Variants in RYR2 observed in about 807,000 individuals in gnomAD.
RYR2 encodes the protein ryanodine receptor 2, also known as cardiac muscle ryanodine receptor-calcium release channel.
A neutral mutation model predicts 601.1 loss-of-function variants in RYR2; 227 were observed. That is an observed-to-expected ratio of 0.38 (90% CI 0.34 to 0.42). The LOEUF (loss-of-function observed/expected upper bound fraction) is 0.42, where lower values mean the gene tolerates loss of function less well. RYR2 is among the 10% of genes least tolerant of loss of function. RYR2 has a pLI of 1.00. For missense variants in RYR2, 4,646 were observed against 6,156.5 expected, an observed-to-expected ratio of 0.75 and a Z score of 8.21; for synonymous variants, 2,223 against 2,175.1, an observed-to-expected ratio of 1.02 and a Z score of -0.61.
chr1:237,233,082 T>C (rs1685166895), intron 1 of RYR2, among the ~76,000 whole-genome samples: 1 of 152,136 alleles, frequency 6.6e-6, no homozygotes, highest in African/African-American at 2.4e-5. Flanking sequence ...AACGATAGGA[T>C]ATAGAAGGAG....
At chr1:237,769,620 G>T (rs556230180) in intron 84 of RYR2, among the ~76,000 whole-genome samples, 1 of 152,012 alleles carries the variant, frequency 6.6e-6, no homozygotes, top group African/African-American at 2.4e-5. Context: ...CTGCGGACTG[G>T]TAAGTCCATC....
At chr1:237,387,430 A>G in intron 9 of RYR2, 50 bp downstream of exon 9, 1 of 1,525,782 alleles carries the variant, frequency 6.6e-7, no homozygotes, top group Non-Finnish European at 9.1e-7. Flanking sequence ...CAAAGTTGAC[A>G]GTCATCTTTG....
intron 1 of RYR2, among the ~76,000 whole-genome samples, chr1:237,172,781 A>T (rs1415718): frequency 0.92 from 139,714 of 152,134 alleles, 64,842 homozygotes; most frequent in Non-Finnish European, 0.99. Context: ...GTGGGGCCCC[A>T]GGGAGGTTCC....
intron 2 of RYR2, among the ~76,000 whole-genome samples, chr1:237,311,193 A>G (rs74584542): frequency 2.0e-5 from 3 of 152,218 alleles, no homozygotes; most frequent in African/African-American, 7.2e-5. Flanking sequence ...TATACTGGTT[A>G]TGTAAACACA....
intron 4 of RYR2, among the ~76,000 whole-genome samples, chr1:237,356,398 A>ATT (rs551874533): frequency 1.1e-3 from 161 of 151,770 alleles, no homozygotes; most frequent in African/African-American, 3.5e-3. Context: ...GAAGAAGACA[A>ATT]TTATATATAT....
intron 17 of RYR2, among the ~76,000 whole-genome samples, chr1:237,474,201 A>G (rs573111237): frequency 1.9e-3 from 263 of 141,260 alleles, no homozygotes; most frequent in East Asian, 6.5e-3. Context: ...GTGTGTATAT[A>G]TGTGTGTGTG....
At chr1:237,183,858 T>C (rs1218095140) in intron 1 of RYR2, among the ~76,000 whole-genome samples, 1 of 152,244 alleles carries the variant, frequency 6.6e-6, no homozygotes, top group East Asian at 1.9e-4. Flanking sequence ...TGAAGGCAGC[T>C]GATACTAGTT....
chr1:237,133,329 T>G lies in RYR2; in HGVS notation c.48+90760T>G, dbSNP rs923056649. On this transcript the variant is annotated intron_variant, in intron 1 of 104. Transcript: ENST00000366574. ...CAGACTACTTTCTTGAATGTGATAA[T>G]CTGTGTGATTTAGACCATTGGTTTA... Among the ~76,000 whole-genome samples the G allele has an allele frequency of 2.0e-5, 3 of 152,154 alleles. No individual in the cohort carries two copies. The South Asian group carries it at 6.2e-4, about 32-fold the overall frequency.
rs397975831 is a variant in RYR2, at chr1:237,346,367, C to CAAAAAAAAAAAAAAAA, written c.274-9596_274-9581dup. Reference sequence around the variant, plus strand: ...CTGGGCAAAGTGAGAGGGTCTACCTCAAAAAAAAAAAAAAAAAGTGCATAT... The same window carrying CAAAAAAAAAAAAAAAA: ...CTGGGCAAAGTGAGAGGGTCTACCTCAAAAAAAAAAAAAAAAAAAAAAAAAAAAAAAAAGTGCATAT... On this transcript the variant is annotated intron_variant, in intron 3 of 104. Transcript: ENST00000366574. 2.7e-3 allele frequency among the ~76,000 whole-genome samples: 170 copies of CAAAAAAAAAAAAAAAA among 62,232 alleles called. 6 individuals carry two copies. The highest frequency in any genetic ancestry group is 9.1e-3 in the African/African-American group (160 of 17,660). The allele number at this position is 62,232 out of a possible 152,430, so 40.8% of individuals were successfully genotyped here.
At chr1:237,658,566 T>C (rs1683467232) in intron 54 of RYR2, among the ~76,000 whole-genome samples, 1 of 152,134 alleles carries the variant, frequency 6.6e-6, no homozygotes, top group Non-Finnish European at 1.5e-5. Flanking sequence ...TAATTGTTAA[T>C]ATTTTTTATA....
At chr1:237,542,406 T>C (rs1345357606) in intron 25 of RYR2, among the ~76,000 whole-genome samples, 2 of 152,188 alleles carry the variant, frequency 1.3e-5, no homozygotes, top group African/African-American at 4.8e-5. Flanking sequence ...GCTGAATGAA[T>C]ATTTGACGGT....
chr1:237,175,329 A>C (rs1677902183), intron 1 of RYR2, among the ~76,000 whole-genome samples: 1 of 152,162 alleles, frequency 6.6e-6, no homozygotes, highest in South Asian at 2.1e-4. Flanking sequence ...GAGGCATCTT[A>C]AAATAGCAAA....
At chr1:237,264,115 A>G (rs1688802860) in intron 1 of RYR2, among the ~76,000 whole-genome samples, 1 of 151,902 alleles carries the variant, frequency 6.6e-6, no homozygotes, top group Non-Finnish European at 1.5e-5. Flanking sequence ...ACACACACAC[A>G]CAGGTGCATA....
rs751668226 is a variant in RYR2 at position 237,783,606 on chromosome 1, T to C, written c.11963-69T>C. The C allele has an allele frequency of 1.2e-5, 11 of 910,230 alleles. No individual in the cohort carries two copies. In the Admixed American group the frequency reaches 2.0e-4, roughly 17 times the overall value. The allele number at this position is 910,230 out of a possible 1,614,324, so 56.4% of individuals were successfully genotyped here. A position where few individuals can be genotyped will look rare whatever the true frequency, so the allele number is the denominator to read the frequency against. The stretch of plus-strand genomic sequence containing the variant: ...ATTCAGATGTTATTAAAGATCTACA[T>C]TGTTATCTTCTGTATGATCACTGAT... On this transcript the variant is annotated intron_variant, in intron 89 of 104. Transcript: ENST00000366574.
intron 35 of RYR2, among the ~76,000 whole-genome samples, chr1:237,602,330 TA>T (rs1676594353): frequency 6.6e-6 from 1 of 151,582 alleles, no homozygotes; most frequent in African/African-American, 2.4e-5. Context: ...TATTATTCAA[TA>T]AAAGGCCTAT....
chr1:237,102,495 C>T (rs1343172889), intron 1 of RYR2, among the ~76,000 whole-genome samples: 1 of 152,188 alleles, frequency 6.6e-6, no homozygotes, highest in Non-Finnish European at 1.5e-5. Context: ...GCCCGGGAAT[C>T]AGGAAATAAA....
At position 237,456,729 on chromosome 1, in the gene RYR2, T is replaced by G; in HGVS notation, c.1606T>G (p.Leu536Val). 6.2e-7 allele frequency: 1 copy of G among 1,613,140 alleles called. No individual in the cohort carries two copies. The highest frequency in any genetic ancestry group is 1.1e-5 in the South Asian group (1 of 91,006). Residue 536 changes from leucine to valine, a missense_variant, in exon 16 of 105, where the codon TTG (leucine) becomes GTG (valine). This residue lies in a region of RYR2 where 1,807 missense variants were observed against 2,088.1 expected (regional missense o/e 0.87). Coordinates refer to ENST00000366574, the MANE Select transcript of RYR2 (RefSeq NM_001035.3). ...WKSILNSLYE[L>V]LAALIRGNRK... ...ATCCATTCTGAATTCTCTGTATGAG[T>G]TGCTGGGTAAGAAGCATGATTGGGT... is the stretch of plus-strand genomic sequence containing the variant.
chr1:237,803,712 TTC>T (rs748774242), intron 98 of RYR2, among the ~76,000 whole-genome samples: 50 of 152,184 alleles, frequency 3.3e-4, no homozygotes, highest in Non-Finnish European at 5.9e-4. Context: ...GTCTACAATT[TTC>T]TCTTTTAGTA....
chr1:237,359,965 A>C (rs1025407532), intron 4 of RYR2, among the ~76,000 whole-genome samples: 1 of 152,234 alleles, frequency 6.6e-6, no homozygotes. Flanking sequence ...ATTGTTGTCT[A>C]TGAAGCATTG....
Sources: allele counts gnomAD v4.1 joint callset (sites outside exome capture counted in the v4.1 genomes callset), GRCh38; gene constraint gnomAD v4.1.1; regional missense constraint gnomAD v4.1.1; transcripts MANE v1.5; gene names NCBI Gene and HGNC (gene_info 2026-07-23, HGNC 2026-07-21).